Variants in ABCC10 observed in about 807,000 individuals in gnomAD.
ABCC10 encodes ATP-binding cassette sub-family C member 10.
A neutral mutation model predicts 143.2 loss-of-function variants in ABCC10; 110 were observed. The ratio of observed to expected loss-of-function variants is 0.77; its 90% CI spans 0.66 to 0.90. The LOEUF is 0.90. ABCC10 is among the 40% of genes least tolerant of loss of function. The probability of loss-of-function intolerance (pLI) is 0.00; values close to 1 mark genes in which losing one functional copy is unlikely to be tolerated. For synonymous variants in ABCC10, 805 were observed against 846.7 expected (o/e 0.95, Z 0.85); for missense variants, 1,700 against 1,900.5 (o/e 0.89, Z 1.96).
Position 43,437,926 on chromosome 6 carries a change from C to T in ABCC10, c.1876-8C>T. On this transcript the variant is annotated splice_region_variant and splice_polypyrimidine_tract_variant and intron_variant, in intron 6 of 21. Coordinates refer to ENST00000372530, the MANE Select transcript of ABCC10 (RefSeq NM_001198934.2). ...CCAATAGCAGATGCTTGTGTGGCTTCCTTGCAGGGTATGCTGGTGGGCATC... is the reference window on the plus strand; with the variant it reads ...CCAATAGCAGATGCTTGTGTGGCTTTCTTGCAGGGTATGCTGGTGGGCATC... 6.2e-7 allele frequency: 1 copy of T among 1,611,652 alleles called. No individual in the cohort carries two copies. Among genetic ancestry groups the T allele is most frequent in the Non-Finnish European group, 8.5e-7 (1 of 1,179,130 alleles).
At chr6:43,431,496 G>T (rs569780529) in intron 2 of ABCC10, among the ~76,000 whole-genome samples, 16 of 152,236 alleles carry the variant, frequency 1.1e-4, no homozygotes, top group Admixed American at 8.5e-4. Context: ...GAGTAGCTGG[G>T]ATTGCAGGTG....
downstream of ABCC10, chr6:43,450,889 A>G: frequency 6.2e-7 from 1 of 1,614,134 alleles, no homozygotes. The surrounding 1 kb of genome is among the most constrained non-coding windows in gnomAD (Gnocchi z 4.5). Flanking sequence ...ACTACAGCTG[A>G]GGTGGGCCCT....
chr6:43,449,567 G>A (rs749148602), intron 21 of ABCC10, 33 bp downstream of exon 21: 2 of 1,571,344 alleles, frequency 1.3e-6, no homozygotes, highest in Non-Finnish European at 1.7e-6. Flanking sequence ...CCTAATCAGG[G>A]ACTGTGGTAG....
chr6:43,442,002 G>T, intron 9 of ABCC10, 42 bp downstream of exon 9: 1 of 1,569,086 alleles, frequency 6.4e-7, no homozygotes, highest in African/African-American at 1.4e-5. Context: ...GAGGTGGGGG[G>T]AGTCCAGAGC....
intron 4 of ABCC10, 110 bp from the exon 5 acceptor site, chr6:43,435,641 A>C (rs1781609326): frequency 2.3e-6 from 3 of 1,314,660 alleles, no homozygotes; most frequent in African/African-American, 3.0e-5. Flanking sequence ...CCAGCCCTTC[A>C]GTTCTGTCAT....
chr6:43,446,375 T>TG lies in ABCC10; in HGVS notation c.3478dup (p.Ala1160GlyfsTer21). The TG allele has an allele frequency of 6.2e-7, 1 of 1,613,550 alleles. No homozygotes were observed. Among genetic ancestry groups the TG allele is most frequent in the South Asian group, 1.1e-5 (1 of 91,040 alleles). ...TGGCTGGACATTCGGCTACAGCTCA[T>TG]GGGGGCGGCAGTGGTCAGCGCTATC... On this transcript the variant is annotated frameshift_variant, in exon 16 of 22. Coordinates refer to ENST00000372530, the MANE Select transcript of ABCC10 (RefSeq NM_001198934.2). LOFTEE classifies it high-confidence loss of function.
At position 43,428,141 on chromosome 6, in the gene ABCC10, T is replaced by A. The variant is rs1197389324; in HGVS notation, c.161+2T>A. 2 of 1,528,622 alleles carry A rather than the reference T, an allele frequency of 1.3e-6. No individual in the cohort carries two copies. Among genetic ancestry groups the A allele is most frequent in the East Asian group, 4.9e-5 (2 of 40,646 alleles). The allele number at this position is 1,528,622 out of a possible 1,614,324, so 94.7% of individuals were successfully genotyped here. A position where few individuals can be genotyped will look rare whatever the true frequency, so the allele number is the denominator to read the frequency against. Reference sequence around the variant, plus strand: ...TGCCTGTTACTTGGGCACCCCGAGGTGGGTAGAGACGGGCGCAAGGCATCT... The same window carrying A: ...TGCCTGTTACTTGGGCACCCCGAGGAGGGTAGAGACGGGCGCAAGGCATCT... On this transcript the variant is annotated splice_donor_variant, in intron 2 of 21. Coordinates refer to ENST00000372530, the MANE Select transcript of ABCC10 (RefSeq NM_001198934.2). LOFTEE classifies it high-confidence loss of function.
chr6:43,447,253 G>C lies in ABCC10; in HGVS notation c.3550G>C (p.Val1184Leu), dbSNP rs749718048. The C allele has an allele frequency of 6.2e-7, 1 of 1,612,990 alleles. No individual in the cohort carries two copies. The highest frequency in any genetic ancestry group is 1.3e-5 in the African/African-American group (1 of 74,906). ...CTGGTACTTCTCTCCCCCAGGGCTG[G>C]TGGGCTTGTCGCTGTCTTATGCCCT... ...HQQGLANPGL[V>L]GLSLSYALSL... Residue 1184 changes from valine to leucine, a missense_variant, in exon 17 of 22, where the codon GTG (valine) becomes CTG (leucine). Physicochemically the swap from Val to Leu is conservative, Grantham distance 32 (BLOSUM62 1). Coordinates refer to ENST00000372530, the MANE Select transcript of ABCC10 (RefSeq NM_001198934.2).
rs777467243 is a variant in ABCC10 at position 43,449,973 on chromosome 6, C to T, written c.4361C>T (p.Ala1454Val). The change falls in exon 22 of 22, where the codon GCG becomes GTG. Residue 1454 changes from alanine (A) to valine (V), a missense_variant. Transcript: ENST00000372530. ...TCAGACCGGGTGCTGGTGCTACAAG[C>T]GGGGAGAGTGGTAGAGCTGGACTCC... is the stretch of plus-strand genomic sequence containing the variant. ...LNSDRVLVLQAGRVVELDSPA... is the reference protein window; with the variant it reads ...LNSDRVLVLQVGRVVELDSPA... 1.7e-5 allele frequency: 28 copies of T among 1,613,856 alleles called. No individual in the cohort carries two copies. Among genetic ancestry groups the T allele is most frequent in the African/African-American group, 2.7e-5 (2 of 74,906 alleles).
At chr6:43,427,859 G>A (rs780679266) in intron 1 of ABCC10, 102 bp downstream of exon 1, 4 of 1,286,958 alleles carry the variant, frequency 3.1e-6, no homozygotes, top group Non-Finnish European at 4.5e-6. Flanking sequence ...CGGAAGCGAC[G>A]GGCGGTCCCG....
chr6:43,443,075 C>T lies in ABCC10; in HGVS notation c.2332C>T (p.Arg778Trp), dbSNP rs753717501. The T allele has an allele frequency of 2.4e-5, 38 of 1,612,440 alleles. No individual in the cohort carries two copies. Among genetic ancestry groups the T allele is most frequent in the African/African-American group, 9.3e-5 (7 of 74,932 alleles). Reference protein sequence around the residue: ...CILGMLSYTTRLLCTHRTEYL... With the variant: ...CILGMLSYTTWLLCTHRTEYL... ...CCTGGGCATGCTGAGCTACACCACA[C>T]GGCTGCTCTGCACCCACCGCACTGA... The change falls in exon 10 of 22, where the codon CGG (arginine) becomes TGG (tryptophan). Residue 778 changes from arginine to tryptophan, a missense_variant. Coordinates refer to ENST00000372530, the MANE Select transcript of ABCC10 (RefSeq NM_001198934.2). This position sits in a 1 kb window ranked among gnomAD's most constrained non-coding sequence, Gnocchi z 4.2.
chr6:43,443,499 G>C lies in ABCC10; in HGVS notation c.2416+340G>C, dbSNP rs78326982. 164 of 292,726 alleles carry C rather than the reference G, an allele frequency of 5.6e-4. No individual in the cohort carries two copies. The East Asian group carries it at 9.3e-3, about 17-fold the overall frequency. The allele number at this position is 292,726 out of a possible 1,614,324, so 18.1% of individuals were successfully genotyped here. On this transcript the variant is annotated intron_variant, in intron 10 of 21. Transcript: ENST00000372530. This position sits in a 1 kb window ranked among gnomAD's most constrained non-coding sequence, Gnocchi z 4.2. The stretch of plus-strand genomic sequence containing the variant: ...AAACAAAAATTTTTAAACTCTGAAA[G>C]ATTTTTATGCAGAGGGATGTGACCA...
chr6:43,427,838 T>C, intron 1 of ABCC10, 81 bp downstream of exon 1: 2 of 1,030,064 alleles, frequency 1.9e-6, no homozygotes, highest in Non-Finnish European at 3.0e-6. Context: ...GGGCGGGGTC[T>C]GGCTTCGGGG....
At position 43,443,957 on chromosome 6, in the gene ABCC10, T is replaced by A. The variant is rs1194640165; in HGVS notation, c.2441T>A (p.Leu814Gln). ...RAGPPSEILP[L>Q]VQAVPKAWAE... ...GGACCTCCCTCTGAGATTCTGCCAC[T>A]GGTACAAGCTGTCCCCAAAGCCTGG... Residue 814 changes from leucine to glutamine, a missense_variant, in exon 11 of 22, where the codon CTG becomes CAG. Coordinates refer to ENST00000372530, the MANE Select transcript of ABCC10 (RefSeq NM_001198934.2). The surrounding 1 kb of genome is among the most constrained non-coding windows in gnomAD (Gnocchi z 4.2). 3 of 1,614,142 alleles carry A rather than the reference T, an allele frequency of 1.9e-6. No homozygotes were observed. Among genetic ancestry groups the A allele is most frequent in the Admixed American group, 1.7e-5 (1 of 60,026 alleles).
In ABCC10 at chr6:43,447,406, C is replaced by A; in HGVS notation, c.3703C>A (p.Gln1235Lys). The A allele has an allele frequency of 6.2e-7, 1 of 1,612,928 alleles. No individual in the cohort carries two copies. The highest frequency in any genetic ancestry group is 1.1e-5 in the South Asian group (1 of 91,026). ...CCAGGAACCCCAGGGCCAGCCACTG[C>A]AGGTGGGCCTGTACCCCCACCCCAG... Reference protein sequence around the residue: ...LPQEPQGQPLQLGTGWLTQGG... With the variant: ...LPQEPQGQPLKLGTGWLTQGG... Residue 1235 changes from glutamine to lysine, a missense_variant and splice_region_variant, in exon 17 of 22, where the codon CAG becomes AAG. Gln to Lys is a moderately conservative substitution (Grantham distance 53). Transcript: ENST00000372530.
Position 43,445,313 on chromosome 6 carries a change from TG to T in ABCC10, c.3030+1del, listed in dbSNP as rs753511733. ...LHRRLLHRVL[M>X]APVTFFNATP... The stretch of plus-strand genomic sequence containing the variant: ...CGCCGCCTGCTGCATCGAGTCCTTA[TG>T]GTGAGGGGCTGGGACCTCGGGGGTA... On this transcript the variant is annotated frameshift_variant and splice_region_variant, in exon 14 of 22. Transcript: ENST00000372530. LOFTEE classifies it high-confidence loss of function. The T allele has an allele frequency of 1.2e-6, 2 of 1,612,992 alleles. No individual in the cohort carries two copies. The highest frequency in any genetic ancestry group is 4.5e-5 in the East Asian group (2 of 44,844).
chr6:43,427,854 G>A (rs1780666316), intron 1 of ABCC10, 97 bp downstream of exon 1: 5 of 1,233,406 alleles, frequency 4.1e-6, no homozygotes, highest in Non-Finnish European at 3.6e-6. Flanking sequence ...CGGGGCGGAA[G>A]CGACGGGCGG....
rs772075205 is a variant in ABCC10, at chr6:43,447,267, G to C, written c.3564G>C (p.Leu1188=). The change falls in exon 17 of 22, where the codon CTG becomes CTC. Residue 1188 remains leucine (L), a synonymous_variant. Transcript: ENST00000372530. The part of the protein sequence containing the change: ...LANPGLVGLS[L]SYALSLTGLL... ...CCCCAGGGCTGGTGGGCTTGTCGCT[G>C]TCTTATGCCCTGTCCCTGACGGGCC... The C allele has an allele frequency of 4.3e-6, 7 of 1,613,528 alleles. No individual in the cohort carries two copies. The South Asian group carries it at 5.5e-5, about 13-fold the overall frequency.
chr6:43,436,938 A>T (rs889105062), intron 6 of ABCC10, among the ~76,000 whole-genome samples: 3 of 152,184 alleles, frequency 2.0e-5, no homozygotes, highest in African/African-American at 7.2e-5. Flanking sequence ...CTAATGTGTT[A>T]GTTGGGGCTT....
Sources: allele counts gnomAD v4.1 joint callset (sites outside exome capture counted in the v4.1 genomes callset), GRCh38; gene constraint gnomAD v4.1.1; non-coding constraint Gnocchi (gnomAD v3.1); transcripts MANE v1.5; gene names NCBI Gene and HGNC (gene_info 2026-07-23, HGNC 2026-07-21).